KIF14: variants seen among roughly 807,000 people sequenced by gnomAD.
KIF14 encodes kinesin-like protein KIF14.
Under a neutral mutation model 176.2 loss-of-function variants are expected in KIF14, and 98 were observed. The ratio of observed to expected loss-of-function variants is 0.56; its 90% CI spans 0.47 to 0.66. The LOEUF is 0.66. Among genes scored for constraint, KIF14 ranks in the 30% least tolerant of loss-of-function variants. The pLI, the probability that KIF14 is intolerant of heterozygous loss-of-function variation, is 0.00. For missense variants in KIF14, 1,751 were observed against 1,920.4 expected (o/e 0.91, Z 1.65); for synonymous variants, 566 against 632.2 (o/e 0.90, Z 1.57).
chr1:200,577,597 C>T (rs1490319565), intron 21 of KIF14, among the ~76,000 whole-genome samples: 1 of 151,328 alleles, frequency 6.6e-6, no homozygotes, highest in African/African-American at 2.4e-5. Flanking sequence ...GAGATTGAGA[C>T]CGCTGACGCA....
chr1:200,586,361 C>T (rs148028065), intron 18 of KIF14, 134 bp from the exon 19 acceptor site: 18 of 605,010 alleles, frequency 3.0e-5, no homozygotes, highest in African/African-American at 2.6e-4. Flanking sequence ...TACCCCATAA[C>T]ATTGTATAAC....
chr1:200,607,836 G>A (rs1457476262), intron 5 of KIF14, among the ~76,000 whole-genome samples: 1 of 152,090 alleles, frequency 6.6e-6, no homozygotes, highest in African/African-American at 2.4e-5. Context: ...GAGTAGCTGG[G>A]ACTACAGGCA....
chr1:200,611,796 T>G (rs1447417335), intron 4 of KIF14, among the ~76,000 whole-genome samples: 1 of 152,220 alleles, frequency 6.6e-6, no homozygotes, highest in Admixed American at 6.5e-5. Flanking sequence ...GCTCACTATG[T>G]GCCAGGCACT....
At position 200,555,360 on chromosome 1, in the gene KIF14, C is replaced by A; in HGVS notation, c.4428+20G>T. ...GATAAAAAATAAGCAAAATTAAAAT[C>A]AATTTAAAGCTTCTCTTACAATTTT... On this transcript the variant is annotated intron_variant, in intron 28 of 29. Transcript: ENST00000367350. 1 of 1,444,194 alleles carries A rather than the reference C, an allele frequency of 6.9e-7. No individual in the cohort carries two copies. Among genetic ancestry groups the A allele is most frequent in the South Asian group, 1.2e-5 (1 of 80,730 alleles). The allele number at this position is 1,444,194 out of a possible 1,614,324, so 89.5% of individuals were successfully genotyped here.
chr1:200,561,369 T>C (rs1171284208), intron 25 of KIF14, among the ~76,000 whole-genome samples: 6 of 151,918 alleles, frequency 3.9e-5, no homozygotes, highest in African/African-American at 1.4e-4. Flanking sequence ...TGAAACCCCA[T>C]CTCTACTAAA....
intron 29 of KIF14, among the ~76,000 whole-genome samples, chr1:200,554,011 T>C (rs933781568): frequency 6.6e-6 from 1 of 152,208 alleles, no homozygotes; most frequent in Non-Finnish European, 1.5e-5. Flanking sequence ...TAAATACAAG[T>C]TCCTATATGG....
In KIF14 at chr1:200,608,059, A is replaced by G. The variant is rs561967582; in HGVS notation, c.1554+771T>C. On this transcript the variant is annotated intron_variant, in intron 5 of 29. Transcript: ENST00000367350. ...TCCATTGCAAAATTAAAAATTTTAA[A>G]TTTGAATAGCAGTTTTTAAAAAAGA... 2.6e-4 allele frequency among the ~76,000 whole-genome samples: 40 copies of G among 152,310 alleles called. 2 individuals carry two copies. The South Asian group carries it at 8.3e-3, about 32-fold the overall frequency.
intron 4 of KIF14, 119 bp downstream of exon 4, chr1:200,614,199 G>C: frequency 3.5e-6 from 2 of 566,358 alleles, no homozygotes; most frequent in Non-Finnish European, 6.3e-6. Context: ...AAAGAAGAGT[G>C]ATCTACAAAT....
chr1:200,554,571 A>G lies in KIF14; in HGVS notation c.4464T>C (p.Phe1488=), dbSNP rs374865770. The change falls in exon 29 of 30, where the codon TTT becomes TTC. Residue 1488 remains phenylalanine (F), a synonymous_variant. Transcript: ENST00000367350. Reference sequence around the variant, plus strand: ...CCATCCTCTTGAAATCTTGGTATTCAAAGTTTTCTTCTTGTACTTGCCTTC... The same window carrying G: ...CCATCCTCTTGAAATCTTGGTATTCGAAGTTTTCTTCTTGTACTTGCCTTC... ...SFRRQVQEEN[F]EYQDFKRMVN... 4 of 1,548,156 alleles carry G rather than the reference A, an allele frequency of 2.6e-6. No individual in the cohort carries two copies. The highest frequency in any genetic ancestry group is 3.6e-6 in the Non-Finnish European group (4 of 1,125,320).
At chr1:200,613,425 T>C (rs1660255250) in intron 4 of KIF14, among the ~76,000 whole-genome samples, 1 of 152,170 alleles carries the variant, frequency 6.6e-6, no homozygotes, top group Admixed American at 6.5e-5. Context: ...ACTTTATATG[T>C]CCTCACTTAC....
intron 25 of KIF14, among the ~76,000 whole-genome samples, chr1:200,562,366 A>T (rs1430954129): frequency 6.6e-6 from 1 of 152,268 alleles, no homozygotes; most frequent in Non-Finnish European, 1.5e-5. Flanking sequence ...TAAGAGAGAC[A>T]TTCTTATAAC....
In KIF14 at chr1:200,600,354, A is replaced by G; in HGVS notation, c.2300+2T>C. 1 of 1,613,306 alleles carries G rather than the reference A, an allele frequency of 6.2e-7. No individual in the cohort carries two copies. Among genetic ancestry groups the G allele is most frequent in the Non-Finnish European group, 8.5e-7 (1 of 1,179,378 alleles). ...ACATTTAGAGTACTGACTGTACTCTACCTTTGCATTTCTGCCATGTCTCTC... is the reference window on the plus strand; with the variant it reads ...ACATTTAGAGTACTGACTGTACTCTGCCTTTGCATTTCTGCCATGTCTCTC... On this transcript the variant is annotated splice_donor_variant, in intron 12 of 29. Transcript: ENST00000367350. LOFTEE classifies it high-confidence loss of function.
At chr1:200,614,238 T>C in intron 4 of KIF14, 80 bp downstream of exon 4, 1 of 725,118 alleles carries the variant, frequency 1.4e-6, no homozygotes. Context: ...AAGTATTTCC[T>C]TAGTGGCCAT....
At chr1:200,603,185 C>A in intron 10 of KIF14, 41 bp downstream of exon 10, 1 of 1,183,416 alleles carries the variant, frequency 8.5e-7, no homozygotes, top group South Asian at 1.3e-5. Flanking sequence ...ATAGTATTCA[C>A]TATATTTTAT....
At chr1:200,553,820 G>A in intron 29 of KIF14, 53 bp from the exon 30 acceptor site, 2 of 1,499,452 alleles carry the variant, frequency 1.3e-6, no homozygotes, top group East Asian at 2.3e-5. Context: ...TTTTCATCAG[G>A]TATTTATGAC....
In KIF14 at chr1:200,600,058, CTT is replaced by C. The variant is rs1558080206; in HGVS notation, c.2354_2355del (p.Lys785ArgfsTer20). On this transcript the variant is annotated frameshift_variant, in exon 13 of 30. Transcript: ENST00000367350. LOFTEE classifies it high-confidence loss of function. ...QAEKRKLQET[K>X]ELQKAGIMFQ... ...GAAAGTTGAAATAATACCTGTAACT[CTT>C]TTGTTTCTTGAAGTTTTCTTTTTTC... 2 of 1,575,462 alleles carry C rather than the reference CTT, an allele frequency of 1.3e-6. No homozygotes were observed. The highest frequency in any genetic ancestry group is 1.7e-6 in the Non-Finnish European group (2 of 1,148,778).
At chr1:200,608,646 A>G (rs1432631718) in intron 5 of KIF14, among the ~76,000 whole-genome samples, 184 bp downstream of exon 5, 1 of 152,158 alleles carries the variant, frequency 6.6e-6, no homozygotes, top group Non-Finnish European at 1.5e-5. Flanking sequence ...TACAGGAGTG[A>G]GCCACCATGC....
chr1:200,581,142 A>G, intron 20 of KIF14, 59 bp downstream of exon 20: 2 of 869,830 alleles, frequency 2.3e-6, no homozygotes, highest in Non-Finnish European at 3.5e-6. Context: ...AAGAGAAACT[A>G]AATGATATAA....
At chr1:200,565,314 T>G (rs747642890) in intron 24 of KIF14, 61 bp from the exon 25 acceptor site, 19 of 1,486,906 alleles carry the variant, frequency 1.3e-5, no homozygotes, top group Admixed American at 2.1e-5. Flanking sequence ...AACTCATATA[T>G]GATCATCATT....
Sources: allele counts gnomAD v4.1 joint callset (sites outside exome capture counted in the v4.1 genomes callset), GRCh38; gene constraint gnomAD v4.1.1; transcripts MANE v1.5; gene names NCBI Gene and HGNC (gene_info 2026-07-23, HGNC 2026-07-21).